Variants in PLXDC2 observed in about 807,000 individuals in gnomAD.
PLXDC2 encodes the protein plexin domain containing 2, also known as plexin domain-containing protein 2.
A neutral mutation model predicts 68.9 loss-of-function variants in PLXDC2; 40 were observed. The observed-to-expected ratio is 0.58, with a 90% CI of 0.45 to 0.76. The LOEUF is 0.76. Among genes scored for constraint, PLXDC2 ranks in the 30% least tolerant of loss-of-function variants. The pLI, the probability that PLXDC2 is intolerant of heterozygous loss-of-function variation, is 0.00. For synonymous variants in PLXDC2, 243 were observed against 234.2 expected, an observed-to-expected ratio of 1.04 and a Z score of -0.34; for missense variants, 644 against 661.9, an observed-to-expected ratio of 0.97 and a Z score of 0.30.
rs66483508 is a variant in PLXDC2, at chr10:20,217,596, C to CTTTT, written c.1273+45_1273+48dup. On this transcript the variant is annotated intron_variant, in intron 11 of 13. Transcript: ENST00000377252. ...CAGAAGGTACCCAAGAGATAGTTTG[C>CTTTT]TTTTTTTTTTTTTTTTTTTTTTTTT... is the stretch of plus-strand genomic sequence containing the variant. The CTTTT allele has an allele frequency of 2.9e-3, 2,260 of 784,268 alleles. 9 individuals are homozygous for CTTTT. Among genetic ancestry groups the CTTTT allele is most frequent in the African/African-American group, 5.6e-3 (160 of 28,472 alleles). The allele number at this position is 784,268 out of a possible 1,614,324, so 48.6% of individuals were successfully genotyped here.
chr10:19,919,655 A>G (rs1364249980), intron 1 of PLXDC2, among the ~76,000 whole-genome samples: 1 of 152,202 alleles, frequency 6.6e-6, no homozygotes, highest in Non-Finnish European at 1.5e-5. Flanking sequence ...TTTCTTTTTG[A>G]TATATACCTG....
rs60761147 is a variant in PLXDC2, at chr10:20,100,888, T to TAA, written c.541+32659_541+32660dup. 2.3e-4 allele frequency among the ~76,000 whole-genome samples: 35 copies of TAA among 149,190 alleles called. 1 individual carries two copies. Among genetic ancestry groups the TAA allele is most frequent in the South Asian group, 1.3e-3 (6 of 4,684 alleles). On this transcript the variant is annotated intron_variant, in intron 4 of 13. Transcript: ENST00000377252. ...TAATCATATCTACCCATGCTAAAAT[T>TAA]AAAAAAAAAAATTAACAGCACGTTG...
At chr10:19,819,035 C>T (rs1384711442) in intron 1 of PLXDC2, among the ~76,000 whole-genome samples, 3 of 141,756 alleles carry the variant, frequency 2.1e-5, no homozygotes, top group Non-Finnish European at 4.7e-5. Context: ...TATGTATACA[C>T]ACACACACAC....
intron 1 of PLXDC2, among the ~76,000 whole-genome samples, chr10:19,919,852 G>C (rs940636236): frequency 1.3e-5 from 2 of 152,198 alleles, no homozygotes; most frequent in Non-Finnish European, 2.9e-5. Flanking sequence ...AGAAGAAAAT[G>C]CTAGGCGAAC....
At chr10:19,910,604 T>G (rs1833251706) in intron 1 of PLXDC2, among the ~76,000 whole-genome samples, 1 of 149,900 alleles carries the variant, frequency 6.7e-6, no homozygotes, top group Non-Finnish European at 1.5e-5. Flanking sequence ...TTTTTTTTTT[T>G]TTTTTTTTTT....
chr10:20,129,530 T>TAA (rs1009940200), intron 4 of PLXDC2, among the ~76,000 whole-genome samples: 23 of 146,490 alleles, frequency 1.6e-4, no homozygotes, highest in Non-Finnish European at 3.4e-4. Context: ...CATACACATA[T>TAA]ATATATATAC....
At chr10:20,111,457 G>GA (rs1282869371) in intron 4 of PLXDC2, among the ~76,000 whole-genome samples, 2 of 151,964 alleles carry the variant, frequency 1.3e-5, no homozygotes, top group African/African-American at 2.4e-5. Context: ...TTGTGATTCA[G>GA]AAAAAAATAC....
intron 4 of PLXDC2, among the ~76,000 whole-genome samples, chr10:20,132,772 A>C (rs901789406): frequency 1.1e-3 from 3 of 2,714 alleles, no homozygotes; most frequent in African/African-American, 1.6e-3. Context: ...TTGATCTTTA[A>C]AAAAAAAAAA....
Position 19,944,977 on chromosome 10 carries a change from A to AAAAC in PLXDC2, c.113-56797_113-56796insAACA, listed in dbSNP as rs565112197. ...CAAACAAAACAAAACAAAACAAAAA[A>AAAAC]AGAAACAGAAGCATTGGTTACTGCT... is the stretch of plus-strand genomic sequence containing the variant. On this transcript the variant is annotated intron_variant, in intron 1 of 13. Coordinates refer to ENST00000377252, the MANE Select transcript of PLXDC2 (RefSeq NM_032812.9). Among the ~76,000 whole-genome samples, 690 of 152,238 alleles carry AAAAC rather than the reference A, an allele frequency of 4.5e-3. 5 individuals carry two copies. Among genetic ancestry groups the AAAAC allele is most frequent in the African/African-American group, 0.016 (664 of 41,542 alleles).
At chr10:19,955,074 A>ATTTTTTTTT (rs750051734) in intron 1 of PLXDC2, among the ~76,000 whole-genome samples, 2 of 99,286 alleles carry the variant, frequency 2.0e-5, no homozygotes, top group African/African-American at 3.9e-5. Flanking sequence ...CCTTTCACTG[A>ATTTTTTTTT]TTTTTTTTTT....
chr10:19,937,714 G>A (rs762746417), intron 1 of PLXDC2, among the ~76,000 whole-genome samples: 2 of 151,978 alleles, frequency 1.3e-5, no homozygotes, highest in Non-Finnish European at 2.9e-5. Context: ...AGGGATAATG[G>A]AGGTTTCTTG....
intron 12 of PLXDC2, among the ~76,000 whole-genome samples, chr10:20,243,220 T>C (rs1016457318): frequency 6.6e-6 from 1 of 152,314 alleles, no homozygotes; most frequent in Non-Finnish European, 1.5e-5. Flanking sequence ...AGCTCAGTTC[T>C]ACCTTAATAA....
intron 4 of PLXDC2, among the ~76,000 whole-genome samples, chr10:20,110,317 T>C (rs898970535): frequency 6.6e-6 from 1 of 152,090 alleles, no homozygotes; most frequent in African/African-American, 2.4e-5. Flanking sequence ...GATTAATTAG[T>C]GCTGGGTCAA....
At chr10:20,100,369 T>C (rs191404956) in intron 4 of PLXDC2, among the ~76,000 whole-genome samples, 2 of 152,112 alleles carry the variant, frequency 1.3e-5, no homozygotes, top group African/African-American at 2.4e-5. Context: ...GAAAGAGAGA[T>C]AATGAAAGGA....
intron 1 of PLXDC2, among the ~76,000 whole-genome samples, chr10:19,875,361 A>G (rs907743040): frequency 3.3e-5 from 5 of 152,340 alleles, no homozygotes; most frequent in African/African-American, 1.2e-4. Context: ...CATGGATGTA[A>G]TAGAATGCTA....
chr10:20,050,237 A>G (rs1180638308), intron 3 of PLXDC2, among the ~76,000 whole-genome samples: 1 of 152,114 alleles, frequency 6.6e-6, no homozygotes, highest in Non-Finnish European at 1.5e-5. Context: ...ACTTAGATGT[A>G]AAACTCAAAA....
At chr10:20,173,141 A>G (rs544980288) in intron 7 of PLXDC2, among the ~76,000 whole-genome samples, 1 of 152,242 alleles carries the variant, frequency 6.6e-6, no homozygotes, top group South Asian at 2.1e-4. Context: ...TTGTGGTTAT[A>G]CGATACAGGC....
intron 13 of PLXDC2, among the ~76,000 whole-genome samples, chr10:20,251,917 A>G (rs547198475): frequency 7.8e-4 from 118 of 151,694 alleles, no homozygotes; most frequent in Middle Eastern, 6.8e-3. Flanking sequence ...CTTGGAAAAT[A>G]GATTCTATGA....
chr10:19,973,289 T>C (rs1276128972), intron 1 of PLXDC2, among the ~76,000 whole-genome samples: 1 of 96,466 alleles, frequency 1.0e-5, no homozygotes, highest in East Asian at 2.6e-4. Flanking sequence ...TACACATACA[T>C]ATATATGTAT....
Sources: allele counts gnomAD v4.1 joint callset (sites outside exome capture counted in the v4.1 genomes callset), GRCh38; gene constraint gnomAD v4.1.1; transcripts MANE v1.5; gene names NCBI Gene and HGNC (gene_info 2026-07-23, HGNC 2026-07-21).